Variants in PRKDC observed in about 807,000 individuals in gnomAD.
The protein encoded by PRKDC is DNA-dependent protein kinase catalytic subunit.
Under a neutral mutation model 486.9 loss-of-function variants are expected in PRKDC, and 82 were observed. That is an observed-to-expected ratio of 0.17 (90% CI 0.14 to 0.20). The LOEUF (loss-of-function observed/expected upper bound fraction) is 0.20, where lower values mean the gene tolerates loss of function less well. Ranked by LOEUF, PRKDC falls within the 10% of genes least tolerant of loss-of-function variation. The probability of loss-of-function intolerance (pLI) is 1.00; values close to 1 mark genes in which losing one functional copy is unlikely to be tolerated. For synonymous variants in PRKDC, 1,895 were observed against 1,837.0 expected (o/e 1.03, Z -0.81); for missense variants, 4,504 against 5,038.2 (o/e 0.89, Z 3.21).
At chr8:47,870,009 A>G (rs2088912600) in intron 40 of PRKDC, among the ~76,000 whole-genome samples, 1 of 152,212 alleles carries the variant, frequency 6.6e-6, no homozygotes, top group Admixed American at 6.5e-5. Flanking sequence ...TGCCAGCTCA[A>G]CTGCAGTGGA....
At chr8:47,900,101 G>A (rs1464206082) in intron 28 of PRKDC, among the ~76,000 whole-genome samples, 1 of 152,230 alleles carries the variant, frequency 6.6e-6, no homozygotes, top group East Asian at 1.9e-4. Flanking sequence ...GACTGGCTTC[G>A]TTGTCTCCCC....
At chr8:47,859,894 C>T in intron 45 of PRKDC, 135 bp from the exon 46 acceptor site, 1 of 917,486 alleles carries the variant, frequency 1.1e-6, no homozygotes, top group Non-Finnish European at 1.6e-6. Context: ...GATTATTAAC[C>T]TATTATCCAG....
intron 21 of PRKDC, among the ~76,000 whole-genome samples, chr8:47,924,825 T>G (rs1450780416): frequency 1.3e-5 from 2 of 152,170 alleles, no homozygotes; most frequent in African/African-American, 4.8e-5. Flanking sequence ...ATATACCCAC[T>G]TCCAATGCAA....
chr8:47,869,063 T>C (rs777277661), intron 40 of PRKDC, among the ~76,000 whole-genome samples: 200 of 152,242 alleles, frequency 1.3e-3, no homozygotes, highest in Non-Finnish European at 2.4e-3. Flanking sequence ...CTAAAGTGCC[T>C]TGGGGTCCCA....
chr8:47,781,622 CAT>C (rs1255667376), intron 80 of PRKDC, among the ~76,000 whole-genome samples: 2 of 152,048 alleles, frequency 1.3e-5, no homozygotes, highest in Admixed American at 1.3e-4. Flanking sequence ...TTAAAATGTA[CAT>C]GTTAATTGTA....
At chr8:47,927,970 C>T (rs1417618212) in intron 19 of PRKDC, 80 bp from the exon 20 acceptor site, 5 of 1,251,054 alleles carry the variant, frequency 4.0e-6, no homozygotes, top group Non-Finnish European at 5.1e-6. Flanking sequence ...TTGCCCTATT[C>T]TCAAATACAA....
At chr8:47,779,960 G>C (rs1236204238) in intron 80 of PRKDC, among the ~76,000 whole-genome samples, 3 of 147,864 alleles carry the variant, frequency 2.0e-5, no homozygotes, top group Non-Finnish European at 4.5e-5. Context: ...TGTCGCCCAG[G>C]CTGGAGTGCA....
In PRKDC at chr8:47,933,001, A is replaced by G. The variant is rs1196629630; in HGVS notation, c.1776+19T>C. The G allele has an allele frequency of 6.4e-7, 1 of 1,559,748 alleles. No homozygotes were observed. The highest frequency in any genetic ancestry group is 8.7e-7 in the Non-Finnish European group (1 of 1,153,740). ...GATACAAAAATGATGAAAAATTACT[A>G]CTGATAAAAATTTCTAACCTCTTGT... On this transcript the variant is annotated intron_variant, in intron 16 of 85. Coordinates refer to ENST00000314191, the MANE Select transcript of PRKDC (RefSeq NM_006904.7).
chr8:47,878,583 A>G (rs2089139926), intron 39 of PRKDC, among the ~76,000 whole-genome samples: 1 of 152,250 alleles, frequency 6.6e-6, no homozygotes, highest in South Asian at 2.1e-4. Context: ...GGGATATCCC[A>G]GGCCGCTCCC....
Position 47,943,212 on chromosome 8 carries a change from T to C in PRKDC, c.963A>G (p.Lys321=). Residue 321 remains lysine, a synonymous_variant, in exon 10 of 86, where the codon AAA becomes AAG. Coordinates refer to ENST00000314191, the MANE Select transcript of PRKDC (RefSeq NM_006904.7). The part of the protein sequence containing the change: ...AALSALESFL[K]QVSNMVAKNA... ...ATGACAGTTGAATTTGTGGTACCTG[T>C]TTCAGAAAGGATTCCAGGGCTGAAA... The C allele has an allele frequency of 6.2e-7, 1 of 1,611,258 alleles. No individual in the cohort carries two copies. The highest frequency in any genetic ancestry group is 8.5e-7 in the Non-Finnish European group (1 of 1,179,158).
chr8:47,832,624 GA>G (rs2087912825), intron 59 of PRKDC, among the ~76,000 whole-genome samples: 1 of 152,164 alleles, frequency 6.6e-6, no homozygotes, highest in Non-Finnish European at 1.5e-5. Flanking sequence ...GGATTTCCCA[GA>G]AAAGAGGAAA....
Position 47,859,509 on chromosome 8 carries a change from T to C in PRKDC, c.6207+102A>G, listed in dbSNP as rs1220422120. The C allele has an allele frequency of 5.2e-6, 7 of 1,344,832 alleles. No individual in the cohort carries two copies. In the Admixed American group the frequency reaches 6.6e-5, roughly 13 times the overall value. 83.3% of individuals were successfully genotyped at this position (1,344,832 alleles called of 1,614,324 possible). On this transcript the variant is annotated intron_variant, in intron 46 of 85. Coordinates refer to ENST00000314191, the MANE Select transcript of PRKDC (RefSeq NM_006904.7). ...AACTCTATACTCCGAGGGTTGTCAA[T>C]GGACAGAGAACTGGCTTCCTGTAGT...
At chr8:47,831,967 G>C (rs1286038595) in intron 59 of PRKDC, 41 bp from the exon 60 acceptor site, 3 of 1,554,248 alleles carry the variant, frequency 1.9e-6, no homozygotes, top group Non-Finnish European at 2.7e-6. Flanking sequence ...CCGCCGCCCA[G>C]ACACTTGGCT....
intron 54 of PRKDC, among the ~76,000 whole-genome samples, chr8:47,844,602 A>G (rs547051322): frequency 1.3e-5 from 2 of 152,184 alleles, no homozygotes; most frequent in Non-Finnish European, 2.9e-5. Context: ...TCATCTGCAC[A>G]TGGAACATAC....
At chr8:47,785,084 A>G in intron 77 of PRKDC, 29 bp downstream of exon 77, 1 of 1,603,106 alleles carries the variant, frequency 6.2e-7, no homozygotes, top group Non-Finnish European at 8.5e-7. Context: ...CTGACAGTAC[A>G]GTTTTGTCAC....
intron 19 of PRKDC, 124 bp downstream of exon 19, chr8:47,928,968 G>C (rs1563808214): frequency 2.6e-6 from 2 of 769,278 alleles, no homozygotes; most frequent in Non-Finnish European, 2.1e-6. Flanking sequence ...GGGATTAAGG[G>C]CATGAGCCAC....
At chr8:47,824,341 G>GCA in intron 63 of PRKDC, among the ~76,000 whole-genome samples, 2 of 151,842 alleles carry the variant, frequency 1.3e-5, no homozygotes, top group African/African-American at 4.8e-5. Flanking sequence ...GGGCATGGTG[G>GCA]CGCATGCCTG....
chr8:47,831,760 T>C (rs2087881950), intron 60 of PRKDC, 54 bp downstream of exon 60: 5 of 1,568,930 alleles, frequency 3.2e-6, no homozygotes, highest in East Asian at 2.2e-5. Flanking sequence ...ACTTCGTCTG[T>C]ATCCTGTGAC....
In PRKDC at chr8:47,817,535, T is replaced by C. The variant is rs756009922; in HGVS notation, c.9472A>G (p.Lys3158Glu). The C allele has an allele frequency of 6.2e-7, 1 of 1,603,890 alleles. No homozygotes were observed. Among genetic ancestry groups the C allele is most frequent in the East Asian group, 2.2e-5 (1 of 44,794 alleles). ...QGNLSSQVPL[K>E]RLLNTWTNRY... is the part of the protein sequence containing the mutation. ...TTTGTCCAGGTGTTCAGAAGTCTCT[T>C]AAGGGGAACTTGAGATGATAAATTG... The change falls in exon 68 of 86, where the codon AAG (lysine) becomes GAG (glutamate). Residue 3158 changes from lysine to glutamate, a missense_variant. Coordinates refer to ENST00000314191, the MANE Select transcript of PRKDC (RefSeq NM_006904.7).
Sources: allele counts gnomAD v4.1 joint callset (sites outside exome capture counted in the v4.1 genomes callset), GRCh38; gene constraint gnomAD v4.1.1; transcripts MANE v1.5; gene names NCBI Gene and HGNC (gene_info 2026-07-23, HGNC 2026-07-21).